RORA: variants seen among roughly 807,000 people sequenced by gnomAD.
RORA encodes RAR related orphan receptor A, also known as nuclear receptor ROR-alpha.
Under a neutral mutation model 69.5 loss-of-function variants are expected in RORA, and 7 were observed. That is an observed-to-expected ratio of 0.10 (90% CI 0.06 to 0.19). The LOEUF (loss-of-function observed/expected upper bound fraction) is 0.19. RORA is among the 10% of genes least tolerant of loss of function. The pLI, the probability that RORA is intolerant of heterozygous loss-of-function variation, is 1.00. For missense variants in RORA, 457 were observed against 663.0 expected, an observed-to-expected ratio of 0.69 and a Z score of 3.41; for synonymous variants, 261 against 240.8, an observed-to-expected ratio of 1.08 and a Z score of -0.78.
chr15:61,121,510 AC>A (rs1225719788), intron 1 of RORA, among the ~76,000 whole-genome samples: 1 of 151,868 alleles, frequency 6.6e-6, no homozygotes, highest in African/African-American at 2.4e-5. Context: ...GCCCCTTGAA[AC>A]CCTTAGCTAC....
intron 2 of RORA, among the ~76,000 whole-genome samples, chr15:60,602,405 G>C (rs2068838140): frequency 6.6e-6 from 1 of 152,234 alleles, no homozygotes; most frequent in Non-Finnish European, 1.5e-5. Context: ...ATTAAACTGG[G>C]TAATCCAAAT....
At chr15:60,830,860 G>A (rs1304629570) in intron 1 of RORA, among the ~76,000 whole-genome samples, 1 of 152,166 alleles carries the variant, frequency 6.6e-6, no homozygotes, top group African/African-American at 2.4e-5. Context: ...TGGGCATGAG[G>A]GACCACACCT....
intron 1 of RORA, among the ~76,000 whole-genome samples, chr15:60,720,987 C>A (rs756267782): frequency 2.0e-5 from 3 of 152,160 alleles, no homozygotes; most frequent in Non-Finnish European, 2.9e-5. Context: ...TTCCTGCCCC[C>A]ACACCTGAGA....
At chr15:60,977,999 T>G (rs1916646) in intron 1 of RORA, among the ~76,000 whole-genome samples, 5 of 152,082 alleles carry the variant, frequency 3.3e-5, no homozygotes, top group Non-Finnish European at 7.4e-5. Flanking sequence ...CTGGGTCAAA[T>G]GGTAACTCTA....
intron 2 of RORA, among the ~76,000 whole-genome samples, chr15:60,630,218 A>G (rs149837571): frequency 7.5e-4 from 114 of 152,350 alleles, no homozygotes; most frequent in Non-Finnish European, 1.4e-3. Flanking sequence ...TGGAAAGTAT[A>G]TATTTTCCCA....
At chr15:60,634,719 C>T (rs1408616711) in intron 2 of RORA, among the ~76,000 whole-genome samples, 4 of 152,104 alleles carry the variant, frequency 2.6e-5, no homozygotes, top group Non-Finnish European at 5.9e-5. Context: ...TTTACCTTCT[C>T]AAAACCCCAA....
At chr15:61,102,529 T>G (rs1365561376) in intron 1 of RORA, among the ~76,000 whole-genome samples, 1 of 152,190 alleles carries the variant, frequency 6.6e-6, no homozygotes, top group African/African-American at 2.4e-5. Flanking sequence ...AAGCTCTTCT[T>G]AAAACATCCT....
At chr15:60,561,664 C>T (rs928339529) in intron 2 of RORA, among the ~76,000 whole-genome samples, 1 of 151,912 alleles carries the variant, frequency 6.6e-6, no homozygotes, top group African/African-American at 2.4e-5. Context: ...GTTAAAGGGT[C>T]AAGAACTATA....
At chr15:60,500,130 CACT>C in intron 9 of RORA, 126 bp from the exon 10 acceptor site, 1 of 605,968 alleles carries the variant, frequency 1.7e-6, no homozygotes, top group Non-Finnish European at 2.8e-6. Context: ...AGGCCAGTTT[CACT>C]CCTCTTTCAA....
chr15:60,780,540 T>C (rs1364357803), intron 1 of RORA, among the ~76,000 whole-genome samples: 2 of 152,374 alleles, frequency 1.3e-5, no homozygotes, highest in Middle Eastern at 3.4e-3. Flanking sequence ...TGATGTTTCA[T>C]GTGAGAAACT....
chr15:60,702,035 A>T (rs961343844), intron 1 of RORA, among the ~76,000 whole-genome samples: 10 of 152,180 alleles, frequency 6.6e-5, no homozygotes, highest in South Asian at 4.1e-4. Flanking sequence ...TAAAGACAAG[A>T]TCTTTCTGAG....
intron 1 of RORA, among the ~76,000 whole-genome samples, chr15:60,719,035 G>GT (rs2071257468): frequency 7.9e-6 from 1 of 126,000 alleles, no homozygotes; most frequent in African/African-American, 3.2e-5. Flanking sequence ...GTGTGTGTGT[G>GT]TGGGGGGGGT....
chr15:61,143,258 A>G (rs1468579683), intron 1 of RORA, among the ~76,000 whole-genome samples: 3 of 152,128 alleles, frequency 2.0e-5, no homozygotes, highest in African/African-American at 4.8e-5. Flanking sequence ...ATAAATTTAG[A>G]AAAGTATAGA....
At chr15:60,933,036 G>A (rs1481998370) in intron 1 of RORA, among the ~76,000 whole-genome samples, 1 of 152,134 alleles carries the variant, frequency 6.6e-6, no homozygotes, top group Non-Finnish European at 1.5e-5. Flanking sequence ...TGAACTTGCA[G>A]ACACAGAATG....
chr15:61,082,169 C>T (rs909751858), intron 1 of RORA, among the ~76,000 whole-genome samples: 5 of 152,242 alleles, frequency 3.3e-5, no homozygotes, highest in African/African-American at 1.2e-4. Context: ...CACTTACACA[C>T]GGCAGTCAAC....
At chr15:60,826,755 CTCTCTCTCTCCCTCT>C (rs2072965269) in intron 1 of RORA, among the ~76,000 whole-genome samples, 2 of 90,654 alleles carry the variant, frequency 2.2e-5, no homozygotes, top group Non-Finnish European at 2.9e-5. Flanking sequence ...CTCTCTCTCT[CTCTCTCTCTCCCTCT>C]CTCTCTCTCT....
At chr15:60,627,290 C>T in intron 2 of RORA, 1 of 1,614,174 alleles carries the variant, frequency 6.2e-7, no homozygotes, top group Non-Finnish European at 8.5e-7. Flanking sequence ...CTGGCCTGTC[C>T]AGTTCGAAGA....
intron 10 of RORA, among the ~76,000 whole-genome samples, 164 bp downstream of exon 10, chr15:60,499,728 G>C (rs546002640): frequency 1.3e-5 from 2 of 152,240 alleles, no homozygotes; most frequent in East Asian, 3.9e-4. Flanking sequence ...ATGAGCTGTG[G>C]CTCAACAGAA....
At chr15:60,582,954 A>G (rs985972092) in intron 2 of RORA, among the ~76,000 whole-genome samples, 3 of 152,142 alleles carry the variant, frequency 2.0e-5, no homozygotes, top group African/African-American at 7.2e-5. Context: ...TATCTAGTTC[A>G]TTGATATGTT....
Sources: gnomAD v4.1 joint callset for allele counts (sites outside exome capture counted in the v4.1 genomes callset) on GRCh38, gnomAD v4.1.1 for gene constraint, MANE v1.5 for transcripts, NCBI Gene and HGNC (gene_info 2026-07-23, HGNC 2026-07-21) for gene names.